The following PLD2 variants were observed in gnomAD, a reference collection of about 807,000 sequenced individuals.
PLD2 encodes the protein choline phosphatase 2.
PLD2 carries 101 observed loss-of-function variants against 119.8 expected under a neutral mutation model. The ratio of observed to expected loss-of-function variants is 0.84; its 90% confidence interval spans 0.72 to 0.99. The LOEUF is 0.99. Among genes scored for constraint, PLD2 ranks in the 50% least tolerant of loss-of-function variants. The pLI is 0.00. For missense variants in PLD2, 1,164 were observed against 1,226.8 expected (o/e 0.95, Z 0.76); for synonymous variants, 494 against 482.8 (o/e 1.02, Z -0.30).
chr17:4,819,237 C>T lies in PLD2; in HGVS notation c.2308+19C>T. The T allele has an allele frequency of 6.2e-7, 1 of 1,613,154 alleles. No individual in the cohort carries two copies. The highest frequency in any genetic ancestry group is 8.5e-7 in the Non-Finnish European group (1 of 1,179,654). On this transcript the variant is annotated intron_variant, in intron 22 of 24. Transcript: ENST00000263088. This position sits in a 1 kb window ranked among gnomAD's most constrained non-coding sequence, Gnocchi z 4.2. ...ATCATTGGTCAGTGCCGGATCTAGT[C>T]CTCTGGCAGGGAGAGGGTGTGGGGA...
chr17:4,820,261 T>TG (rs1907515366), intron 23 of PLD2, among the ~76,000 whole-genome samples: 2 of 147,970 alleles, frequency 1.4e-5, no homozygotes, highest in African/African-American at 5.0e-5. Flanking sequence ...AGAAATCTTT[T>TG]TTGTTGTTGT....
Position 4,807,573 on chromosome 17 carries a change from G to A in PLD2, c.-1-199G>A. ...GGGCGGGGGGCGGGACTGGGATTGT[G>A]GATGAAGGACTAAGGTAGGGGATGG... On this transcript the variant is annotated intron_variant, in intron 1 of 24. Transcript: ENST00000263088. This position sits in a 1 kb window ranked among gnomAD's most constrained non-coding sequence, Gnocchi z 5.4. The A allele has an allele frequency of 2.0e-6, 1 of 491,182 alleles. No individual in the cohort carries two copies. The highest frequency in any genetic ancestry group is 3.7e-6 in the Non-Finnish European group (1 of 270,508). 30.4% of individuals were successfully genotyped at this position (491,182 alleles called of 1,614,324 possible). A position where few individuals can be genotyped will look rare whatever the true frequency, so the allele number is the denominator to read the frequency against.
At chr17:4,816,772 C>A (rs1350907195) in intron 15 of PLD2, 26 bp downstream of exon 15, 1 of 1,614,026 alleles carries the variant, frequency 6.2e-7, no homozygotes, top group African/African-American at 1.3e-5. Context: ...CGCCAAAGCC[C>A]CAGAGAGCTG....
rs562010485 is a variant in PLD2, at chr17:4,807,654, G to A, written c.-1-118G>A. 77 of 644,856 alleles carry A rather than the reference G, an allele frequency of 1.2e-4. 1 individual carries two copies. The East Asian group carries it at 2.0e-3, about 17-fold the overall frequency. 39.9% of individuals were successfully genotyped at this position (644,856 alleles called of 1,614,324 possible). A position where few individuals can be genotyped will look rare whatever the true frequency, so the allele number is the denominator to read the frequency against. On this transcript the variant is annotated intron_variant, in intron 1 of 24. Transcript: ENST00000263088. This position sits in a 1 kb window ranked among gnomAD's most constrained non-coding sequence, Gnocchi z 5.4. Reference sequence around the variant, plus strand: ...ACTGGTCAGGCGTCATCCGCGGGCGGTCAGGAGGCCGTGGGGGAAGAGGAG... The same window carrying A: ...ACTGGTCAGGCGTCATCCGCGGGCGATCAGGAGGCCGTGGGGGAAGAGGAG...
At chr17:4,814,933 C>T (rs931953510) in intron 12 of PLD2, among the ~76,000 whole-genome samples, 4 of 152,134 alleles carry the variant, frequency 2.6e-5, no homozygotes, top group Admixed American at 2.6e-4. Context: ...CAGAGACTTC[C>T]CTCCCAGTAT....
chr17:4,818,985 A>G (rs1390304517), intron 21 of PLD2, 99 bp from the exon 22 acceptor site: 2 of 1,548,226 alleles, frequency 1.3e-6, no homozygotes, highest in Admixed American at 3.5e-5. Flanking sequence ...GAGAGAGACC[A>G]GACTCTATGT....
In PLD2 at chr17:4,816,946, A is replaced by T. The variant is rs763953120; in HGVS notation, c.1592A>T (p.Asp531Val). 1 of 1,612,844 alleles carries T rather than the reference A, an allele frequency of 6.2e-7. No individual in the cohort carries two copies. Among genetic ancestry groups the T allele is most frequent in the South Asian group, 1.1e-5 (1 of 90,948 alleles). ...TCCTGGGACCCCCCAGATTTCATTGACAGGGAGACGACCCCTCGGATGCCA... is the reference window on the plus strand; with the variant it reads ...TCCTGGGACCCCCCAGATTTCATTGTCAGGGAGACGACCCCTCGGATGCCA... ...QLDRPFEDFI[D>V]RETTPRMPWR... Residue 531 changes from aspartate to valine, a missense_variant, in exon 16 of 25, where the codon GAC (aspartate) becomes GTC (valine). Asp to Val is a radical substitution (Grantham distance 152, BLOSUM62 -3). Coordinates refer to ENST00000263088, the MANE Select transcript of PLD2 (RefSeq NM_002663.5).
At position 4,810,833 on chromosome 17, in the gene PLD2, CAGGCA is replaced by C; in HGVS notation, c.893_897del (p.Gln298ProfsTer9). On this transcript the variant is annotated frameshift_variant, in exon 10 of 25. Transcript: ENST00000263088. LOFTEE classifies it high-confidence loss of function. ...GATTCTCAAGTGCAGCAGCTACCGG[CAGGCA>C]CGGTGGTGGGCCCAAGAGATCACTG... is the stretch of plus-strand genomic sequence containing the variant. 6.2e-7 allele frequency: 1 copy of C among 1,613,138 alleles called. No homozygotes were observed. Among genetic ancestry groups the C allele is most frequent in the African/African-American group, 1.3e-5 (1 of 74,966 alleles).
intron 23 of PLD2, among the ~76,000 whole-genome samples, chr17:4,820,283 T>C (rs926912265): frequency 1.4e-5 from 2 of 141,122 alleles, no homozygotes; most frequent in Non-Finnish European, 3.2e-5. Context: ...GTTGTTGTTG[T>C]TGAGACACGG....
In PLD2 at chr17:4,815,874, G is replaced by A; in HGVS notation, c.1395G>A (p.Trp465Ter). The change falls in exon 14 of 25, where the codon TGG (tryptophan) becomes TGA (stop). Residue 465 changes from tryptophan to a stop codon, truncating the protein, a stop_gained. Transcript: ENST00000263088. LOFTEE classifies it high-confidence loss of function. ...GACTGGACCTTGCCTATGGCCGCTGGGATGACCTGCACTACCGACTGACTG... is the reference window on the plus strand; with the variant it reads ...GACTGGACCTTGCCTATGGCCGCTGAGATGACCTGCACTACCGACTGACTG... ...LGGLDLAYGR[W>*]DDLHYRLTDL... The A allele has an allele frequency of 6.2e-7, 1 of 1,614,080 alleles. No individual in the cohort carries two copies. Among genetic ancestry groups the A allele is most frequent in the Non-Finnish European group, 8.5e-7 (1 of 1,180,010 alleles).
In PLD2 at chr17:4,821,869, C is replaced by T. The variant is rs1201181217; in HGVS notation, c.2539C>T (p.Gln847Ter). 1 of 1,613,580 alleles carries T rather than the reference C, an allele frequency of 6.2e-7. No homozygotes were observed. The highest frequency in any genetic ancestry group is 8.5e-7 in the Non-Finnish European group (1 of 1,179,842). The change falls in exon 24 of 25, where the codon CAA (glutamine) becomes TAA (stop). Residue 847 changes from glutamine to a stop codon, truncating the protein, a stop_gained. Coordinates refer to ENST00000263088, the MANE Select transcript of PLD2 (RefSeq NM_002663.5). LOFTEE classifies it high-confidence loss of function. Reference sequence around the variant, plus strand: ...CTGTGATGACTTCTTCCAGTTGTGGCAAGACATGGCTGAGAGCAACGCCAA... The same window carrying T: ...CTGTGATGACTTCTTCCAGTTGTGGTAAGACATGGCTGAGAGCAACGCCAA... ...PICDDFFQLW[Q>*]DMAESNANIY...
At chr17:4,810,737 G>T in intron 9 of PLD2, 65 bp from the exon 10 acceptor site, 1 of 1,529,896 alleles carries the variant, frequency 6.5e-7, no homozygotes, top group Non-Finnish European at 8.9e-7. Context: ...GAAAGGGGAG[G>T]TCTCTAGGCA....
At chr17:4,820,456 C>T (rs557123319) in intron 23 of PLD2, among the ~76,000 whole-genome samples, 5 of 145,416 alleles carry the variant, frequency 3.4e-5, no homozygotes, top group East Asian at 2.0e-4. Flanking sequence ...TTAGTAGAGA[C>T]AGGGTTTCGC....
chr17:4,807,744 C>G lies in PLD2; in HGVS notation c.-1-28C>G. 1 of 1,329,806 alleles carries G rather than the reference C, an allele frequency of 7.5e-7. No individual in the cohort carries two copies. Among genetic ancestry groups the G allele is most frequent in the Non-Finnish European group, 1.1e-6 (1 of 935,360 alleles). 82.4% of individuals were successfully genotyped at this position (1,329,806 alleles called of 1,614,324 possible). ...GGGGCGGGTTCTGCAGGACAGCTCG[C>G]CTCCCTGAGGCTTCCCAATGTTCCT... On this transcript the variant is annotated intron_variant, in intron 1 of 24. Transcript: ENST00000263088. The surrounding 1 kb of genome is among the most constrained non-coding windows in gnomAD (Gnocchi z 5.4).
In PLD2 at chr17:4,810,416, G is replaced by A. The variant is rs149899892; in HGVS notation, c.861-386G>A. On this transcript the variant is annotated intron_variant, in intron 9 of 24. Coordinates refer to ENST00000263088, the MANE Select transcript of PLD2 (RefSeq NM_002663.5). Reference sequence around the variant, plus strand: ...TCCCAGCACTTTGGGAGGCCGAGGCGGGTGGATCACCTGAGGTCAGGAGTT... The same window carrying A: ...TCCCAGCACTTTGGGAGGCCGAGGCAGGTGGATCACCTGAGGTCAGGAGTT... Among the ~76,000 whole-genome samples the A allele has an allele frequency of 6.6e-5, 10 of 152,094 alleles. No homozygotes were observed. The East Asian group carries it at 9.7e-4, about 15-fold the overall frequency.
intron 10 of PLD2, among the ~76,000 whole-genome samples, chr17:4,811,297 C>CTTTTTT (rs35190261): frequency 1.9e-3 from 150 of 77,778 alleles, no homozygotes; most frequent in East Asian, 3.2e-3. Flanking sequence ...ATTTTCTTTT[C>CTTTTTT]TTTTTTTTTT....
chr17:4,816,708 T>C lies in PLD2; in HGVS notation c.1544T>C (p.Ile515Thr). 1 of 1,614,128 alleles carries C rather than the reference T, an allele frequency of 6.2e-7. No individual in the cohort carries two copies. Among genetic ancestry groups the C allele is most frequent in the South Asian group, 1.1e-5 (1 of 91,080 alleles). ...CTGGGCAAGGACTACAGCAATCTTA[T>C]CACCAAGGACTGGGTGCAGCTGGAC... ...FWLGKDYSNL[I>T]TKDWVQLDRP... Residue 515 changes from isoleucine (I) to threonine (T), a missense_variant, in exon 15 of 25, where the codon ATC becomes ACC. Ile to Thr is a moderately conservative substitution (Grantham distance 89). Coordinates refer to ENST00000263088, the MANE Select transcript of PLD2 (RefSeq NM_002663.5).
At chr17:4,809,043 G>C in intron 4 of PLD2, 57 bp from the exon 5 acceptor site, 1 of 1,364,364 alleles carries the variant, frequency 7.3e-7, no homozygotes, top group South Asian at 1.2e-5. Context: ...GTGTTTTCAG[G>C]AACCAGAGCA....
intron 14 of PLD2, among the ~76,000 whole-genome samples, chr17:4,816,386 A>C (rs887216315): frequency 6.6e-6 from 1 of 151,458 alleles, no homozygotes; most frequent in Non-Finnish European, 1.5e-5. Flanking sequence ...CTGTCTCAAA[A>C]AAAAAAAAAA....
Sources: allele counts gnomAD v4.1 joint callset (sites outside exome capture counted in the v4.1 genomes callset), GRCh38; gene constraint gnomAD v4.1.1; non-coding constraint Gnocchi (gnomAD v3.1); transcripts MANE v1.5; gene names NCBI Gene and HGNC (gene_info 2026-07-23, HGNC 2026-07-21).